Variants in NTRK2 observed in about 807,000 individuals in gnomAD.
The protein encoded by NTRK2 is BDNF/NT-3 growth factors receptor.
A neutral mutation model predicts 94.5 loss-of-function variants in NTRK2; 13 were observed. The observed-to-expected ratio is 0.14, with a 90% CI of 0.09 to 0.22. The LOEUF (loss-of-function observed/expected upper bound fraction) is 0.22. Among genes scored for constraint, NTRK2 ranks in the 10% least tolerant of loss-of-function variants. The probability of loss-of-function intolerance (pLI) is 1.00; values close to 1 mark genes in which losing one functional copy is unlikely to be tolerated. For synonymous variants in NTRK2, 372 were observed against 407.4 expected, an observed-to-expected ratio of 0.91 and a Z score of 1.05; for missense variants, 639 against 1,071.2, an observed-to-expected ratio of 0.60 and a Z score of 5.63.
chr9:84,765,360 A>G (rs934322847), intron 12 of NTRK2, among the ~76,000 whole-genome samples: 1 of 152,216 alleles, frequency 6.6e-6, no homozygotes, highest in Middle Eastern at 3.2e-3. Flanking sequence ...TTGAAAAACA[A>G]TAAATAAAAA....
At chr9:84,867,211 A>G (rs772989561) in intron 13 of NTRK2, 32 bp from the exon 14 acceptor site, 2 of 1,603,474 alleles carry the variant, frequency 1.2e-6, no homozygotes, top group Non-Finnish European at 1.7e-6. Flanking sequence ...GCCATTGATT[A>G]CAGGAGAATA....
rs1189682014 is a variant in NTRK2 at position 84,924,240 on chromosome 9, A to AAAGAAAGG, written c.1634-9915_1634-9914insGAAGAAAG. ...TCAAAGAAAGAAAGTAGAAAGAAAG[A>AAAGAAAGG]AAGAAAGAAAGAAAGAAAGAAAGAA... On this transcript the variant is annotated intron_variant, in intron 14 of 18. Transcript: ENST00000277120. 4.4e-3 allele frequency among the ~76,000 whole-genome samples: 517 copies of AAAGAAAGG among 117,022 alleles called. 5 individuals carry two copies. Among genetic ancestry groups the AAAGAAAGG allele is most frequent in the African/African-American group, 0.017 (492 of 29,226 alleles). The allele number at this position is 117,022 out of a possible 152,430, so 76.8% of individuals were successfully genotyped here.
chr9:84,891,963 T>C (rs1428739407), intron 14 of NTRK2, among the ~76,000 whole-genome samples: 1 of 152,034 alleles, frequency 6.6e-6, no homozygotes, highest in African/African-American at 2.4e-5. Flanking sequence ...CGGTATGATA[T>C]CAAGATGGAT....
chr9:84,986,346 T>G (rs1828297459), intron 17 of NTRK2, among the ~76,000 whole-genome samples: 1 of 152,166 alleles, frequency 6.6e-6, no homozygotes, highest in Non-Finnish European at 1.5e-5. Context: ...ATGAAACTGT[T>G]CCACTTCAGG....
At chr9:84,748,674 A>C (rs1204130894) in intron 11 of NTRK2, among the ~76,000 whole-genome samples, 4 of 152,184 alleles carry the variant, frequency 2.6e-5, no homozygotes, top group African/African-American at 9.7e-5. Context: ...CCCCCATCGC[A>C]GTTTTCTTAT....
chr9:84,791,000 T>C (rs536536567), intron 12 of NTRK2, among the ~76,000 whole-genome samples: 1 of 152,380 alleles, frequency 6.6e-6, no homozygotes, highest in African/African-American at 2.4e-5. Flanking sequence ...GTTCACATCA[T>C]ATTCTGTTTG....
At chr9:84,716,293 A>G (rs1414563998) in intron 6 of NTRK2, among the ~76,000 whole-genome samples, 5 of 152,200 alleles carry the variant, frequency 3.3e-5, no homozygotes, top group Non-Finnish European at 7.4e-5. Context: ...AGGCACATCG[A>G]CAAAATACTA....
intron 12 of NTRK2, among the ~76,000 whole-genome samples, chr9:84,795,419 A>G (rs1457127047): frequency 6.6e-6 from 1 of 152,118 alleles, no homozygotes; most frequent in African/African-American, 2.4e-5. Context: ...GGATGTTCTA[A>G]CTTACTGCCC....
chr9:85,015,030 C>T (rs1009753350), intron 17 of NTRK2, among the ~76,000 whole-genome samples: 9 of 152,118 alleles, frequency 5.9e-5, no homozygotes, highest in Admixed American at 5.9e-4. Flanking sequence ...CTGGTTTAAC[C>T]AAGTTGCAGT....
chr9:84,989,950 G>A (rs541795911), intron 17 of NTRK2, among the ~76,000 whole-genome samples: 10 of 152,270 alleles, frequency 6.6e-5, no homozygotes, highest in African/African-American at 2.4e-4. Flanking sequence ...AAAGTTCCTA[G>A]GTGTAAAGTG....
chr9:84,852,417 T>C (rs2074820832), intron 12 of NTRK2, among the ~76,000 whole-genome samples: 1 of 152,234 alleles, frequency 6.6e-6, no homozygotes, highest in South Asian at 2.1e-4. Context: ...GAGAAAATGT[T>C]TATAAAGCAT....
Position 84,691,743 on chromosome 9 carries a change from C to A in NTRK2, c.213-10416C>A, listed in dbSNP as rs546542679. On this transcript the variant is annotated intron_variant, in intron 2 of 18. Transcript: ENST00000277120. ...CTTAGACAAATGCTTGATTGAAATC[C>A]CAGAGTTCCACCCCACAGAGCAGCA... 2.0e-5 allele frequency among the ~76,000 whole-genome samples: 3 copies of A among 152,188 alleles called. No individual in the cohort carries two copies. In the South Asian group the frequency reaches 6.2e-4, roughly 32 times the overall value.
intron 17 of NTRK2, among the ~76,000 whole-genome samples, chr9:84,956,180 C>T (rs773507937): frequency 2.0e-5 from 3 of 152,168 alleles, no homozygotes; most frequent in Admixed American, 6.5e-5. Context: ...AATAGTACAC[C>T]GGACTTTGGA....
At chr9:84,930,872 A>G (rs1288202128) in intron 14 of NTRK2, among the ~76,000 whole-genome samples, 1 of 152,206 alleles carries the variant, frequency 6.6e-6, no homozygotes, top group African/African-American at 2.4e-5. Context: ...GCTTCAGATT[A>G]GATGTTCTTC....
chr9:84,719,212 G>A (rs897112562), intron 6 of NTRK2, among the ~76,000 whole-genome samples: 1 of 151,914 alleles, frequency 6.6e-6, no homozygotes, highest in Non-Finnish European at 1.5e-5. Flanking sequence ...ATATGTACTC[G>A]GACAATGTTG....
rs553407429 is a variant in NTRK2 at position 84,694,906 on chromosome 9, G to A, written c.213-7253G>A. Among the ~76,000 whole-genome samples, 18 of 151,754 alleles carry A rather than the reference G, an allele frequency of 1.2e-4. 1 individual carries two copies. In the East Asian group the frequency reaches 2.7e-3, roughly 23 times the overall value. ...AAAAATCTATCTATTGGCCGGGCGC[G>A]GTGGCTCACGTCTGTAATGCCAGCA... On this transcript the variant is annotated intron_variant, in intron 2 of 18. Transcript: ENST00000277120.
intron 4 of NTRK2, among the ~76,000 whole-genome samples, chr9:84,702,926 G>T (rs570465552): frequency 6.6e-6 from 1 of 152,324 alleles, no homozygotes; most frequent in East Asian, 1.9e-4. Flanking sequence ...CATGGGACAT[G>T]CCAAAGGTAC....
intron 2 of NTRK2, among the ~76,000 whole-genome samples, chr9:84,698,447 G>T (rs920980201): frequency 6.6e-6 from 1 of 151,716 alleles, no homozygotes; most frequent in Non-Finnish European, 1.5e-5. Flanking sequence ...ATGGACACTC[G>T]GGTTGTTCCA....
intron 16 of NTRK2, among the ~76,000 whole-genome samples, chr9:84,951,501 A>G (rs1410501542): frequency 1.3e-5 from 2 of 152,168 alleles, no homozygotes; most frequent in African/African-American, 4.8e-5. Context: ...CCTGGATGCA[A>G]TTAAATGCTT....
Sources: gnomAD v4.1 joint callset for allele counts (sites outside exome capture counted in the v4.1 genomes callset) on GRCh38, gnomAD v4.1.1 for gene constraint, MANE v1.5 for transcripts, NCBI Gene and HGNC (gene_info 2026-07-23, HGNC 2026-07-21) for gene names.